Variants in WDR72 observed in about 807,000 individuals in gnomAD.
WDR72 encodes the protein WD repeat-containing protein 72.
In WDR72, 120 loss-of-function variants were observed where a neutral mutation model predicts 124.2. The ratio of observed to expected loss-of-function variants is 0.97; its 90% CI spans 0.83 to 1.12. The LOEUF (loss-of-function observed/expected upper bound fraction) is 1.12, where lower values mean the gene tolerates loss of function less well. Ranked by LOEUF, WDR72 falls within the 50% of genes most tolerant of loss-of-function variation. WDR72 has a pLI of 0.00. For missense variants in WDR72, 1,387 were observed against 1,278.8 expected, an observed-to-expected ratio of 1.08 and a Z score of -1.29; for synonymous variants, 452 against 441.7, an observed-to-expected ratio of 1.02 and a Z score of -0.29.
At chr15:53,529,244 T>C (rs1892317097) in intron 18 of WDR72, among the ~76,000 whole-genome samples, 1 of 150,572 alleles carries the variant, frequency 6.6e-6, no homozygotes, top group Non-Finnish European at 1.5e-5. Flanking sequence ...GGGAATGTGT[T>C]GTATTGTTAA....
chr15:53,615,342 G>T, intron 15 of WDR72, 84 bp downstream of exon 15: 1 of 1,138,040 alleles, frequency 8.8e-7, no homozygotes, highest in Non-Finnish European at 1.3e-6. Context: ...AGGAAGGAAT[G>T]TTAAAGAGCT....
intron 18 of WDR72, among the ~76,000 whole-genome samples, chr15:53,533,710 G>A (rs1396143151): frequency 1.3e-5 from 2 of 152,082 alleles, no homozygotes; most frequent in South Asian, 2.1e-4. Flanking sequence ...ACTGCTCACT[G>A]TCCCCTGGAT....
rs530207704 is a variant in WDR72, at chr15:53,726,131, A to G, written c.154-3223T>C. On this transcript the variant is annotated intron_variant, in intron 2 of 19. Transcript: ENST00000360509. Reference sequence around the variant, plus strand: ...TGTCAAATCCCATAAAACGTACAATACCAAGAGTGAACCAATGCTTGATGA... The same window carrying G: ...TGTCAAATCCCATAAAACGTACAATGCCAAGAGTGAACCAATGCTTGATGA... Among the ~76,000 whole-genome samples the G allele has an allele frequency of 1.1e-3, 165 of 150,682 alleles. 1 individual carries two copies. Among genetic ancestry groups the G allele is most frequent in the African/African-American group, 3.9e-3 (162 of 41,048 alleles).
intron 13 of WDR72, among the ~76,000 whole-genome samples, chr15:53,691,643 ATAGATAGATAGATAGATAGATAGATAG>A (rs2016846627): frequency 1.1e-5 from 1 of 87,646 alleles, no homozygotes; most frequent in African/African-American, 4.0e-5. Context: ...AGATAGATAG[ATAGATAGATAGATAGATAGATAGATAG>A]ATAGATGTTT....
At chr15:53,527,610 T>G (rs1235814017) in intron 18 of WDR72, among the ~76,000 whole-genome samples, 1 of 152,066 alleles carries the variant, frequency 6.6e-6, no homozygotes, top group Non-Finnish European at 1.5e-5. Context: ...TCATTCGTCA[T>G]CTGTATAGGC....
chr15:53,708,779 C>T (rs1047097196), intron 9 of WDR72, among the ~76,000 whole-genome samples: 18 of 152,190 alleles, frequency 1.2e-4, no homozygotes, highest in African/African-American at 3.9e-4. Context: ...GCTATTCCCA[C>T]TTCAGCACAG....
chr15:53,651,055 C>T (rs919308626), intron 14 of WDR72, among the ~76,000 whole-genome samples: 1 of 151,766 alleles, frequency 6.6e-6, no homozygotes, highest in Non-Finnish European at 1.5e-5. Flanking sequence ...ATATTCTGTC[C>T]GTCCCTCACT....
intron 14 of WDR72, among the ~76,000 whole-genome samples, chr15:53,641,735 T>C (rs4776166): frequency 0.91 from 137,835 of 151,718 alleles, 63,589 homozygotes; most frequent in Middle Eastern, 0.99. Context: ...TTTTAATGAC[T>C]TATGAATGGA....
At chr15:53,644,016 G>A (rs576486329) in intron 14 of WDR72, among the ~76,000 whole-genome samples, 1 of 152,086 alleles carries the variant, frequency 6.6e-6, no homozygotes, top group Admixed American at 6.6e-5. Context: ...GTGTTTAATT[G>A]TAAATGCCAA....
At chr15:53,647,417 C>T (rs1437512500) in intron 14 of WDR72, among the ~76,000 whole-genome samples, 1 of 152,010 alleles carries the variant, frequency 6.6e-6, no homozygotes, top group Non-Finnish European at 1.5e-5. Flanking sequence ...ATTAGATCAT[C>T]CATAATTATA....
chr15:53,756,500 A>G (rs1020656964), intron 1 of WDR72, among the ~76,000 whole-genome samples: 3 of 152,220 alleles, frequency 2.0e-5, no homozygotes, highest in African/African-American at 7.2e-5. Flanking sequence ...CAAAAGGTTG[A>G]CTGGTTCAGT....
In WDR72 at chr15:53,517,281, A is replaced by T. The variant is rs1358525021; in HGVS notation, c.*418T>A. The stretch of plus-strand genomic sequence containing the variant: ...GTAAAATTTTAGATTAAATACCTTG[A>T]AGCAGTATTAAATTTGTAAGTAAGT... On this transcript the variant is annotated 3_prime_UTR_variant, in exon 20 of 20. Transcript: ENST00000360509. The T allele has an allele frequency of 5.8e-6, 1 of 172,536 alleles. No individual in the cohort carries two copies. Among genetic ancestry groups the T allele is most frequent in the Non-Finnish European group, 1.2e-5 (1 of 80,296 alleles). The allele number at this position is 172,536 out of a possible 1,614,324, so 10.7% of individuals were successfully genotyped here.
At chr15:53,758,329 AT>A (rs1268481833) in intron 1 of WDR72, among the ~76,000 whole-genome samples, 3 of 152,200 alleles carry the variant, frequency 2.0e-5, no homozygotes, top group Admixed American at 2.0e-4. Flanking sequence ...CAAAATACTT[AT>A]AATTTTAAAA....
chr15:53,657,275 A>T (rs2015461071), intron 14 of WDR72, among the ~76,000 whole-genome samples: 1 of 150,344 alleles, frequency 6.7e-6, no homozygotes, highest in Non-Finnish European at 1.5e-5. Context: ...AAAAAAAAAA[A>T]AAAAAAAAAA....
At chr15:53,653,386 A>C (rs762756186) in intron 14 of WDR72, among the ~76,000 whole-genome samples, 3 of 152,230 alleles carry the variant, frequency 2.0e-5, no homozygotes, top group Non-Finnish European at 2.9e-5. Context: ...GGATGCTGAG[A>C]AAGAGAGTAA....
At chr15:53,682,228 T>A (rs1177065121) in intron 13 of WDR72, among the ~76,000 whole-genome samples, 1 of 152,152 alleles carries the variant, frequency 6.6e-6, no homozygotes, top group Admixed American at 6.5e-5. Context: ...AACTATAAGA[T>A]CAAGTTAACA....
chr15:53,695,707 C>T (rs1460751281), intron 13 of WDR72, among the ~76,000 whole-genome samples: 1 of 152,076 alleles, frequency 6.6e-6, no homozygotes, highest in East Asian at 1.9e-4. Flanking sequence ...CACCTACGAC[C>T]CCAAAATTTA....
At chr15:53,655,230 CAAAAAAAAAAAA>C (rs531072099) in intron 14 of WDR72, among the ~76,000 whole-genome samples, 7 of 54,618 alleles carry the variant, frequency 1.3e-4, no homozygotes, top group South Asian at 9.9e-4. Flanking sequence ...GATGCCATCT[CAAAAAAAAAAAA>C]AAAAAAAAAA....
At chr15:53,594,696 G>A (rs1225027121) in intron 18 of WDR72, among the ~76,000 whole-genome samples, 2 of 150,480 alleles carry the variant, frequency 1.3e-5, no homozygotes, top group African/African-American at 2.5e-5. Flanking sequence ...AGAAGCTGAC[G>A]CAGGAGGATC....
Sources: allele counts gnomAD v4.1 joint callset (sites outside exome capture counted in the v4.1 genomes callset), GRCh38; gene constraint gnomAD v4.1.1; transcripts MANE v1.5; gene names NCBI Gene and HGNC (gene_info 2026-07-23, HGNC 2026-07-21).